Variants in DIS3 observed in about 807,000 individuals in gnomAD.
DIS3 encodes the protein DIS3 exosome endoribonuclease and 3'-5' exoribonuclease.
In DIS3, 103 loss-of-function variants were observed where a neutral mutation model predicts 113.0. The ratio of observed to expected loss-of-function variants is 0.91; its 90% confidence interval spans 0.78 to 1.07. DIS3 has a LOEUF of 1.07. Ranked by LOEUF, DIS3 falls within the 50% of genes least tolerant of loss-of-function variation. The probability of loss-of-function intolerance (pLI) is 0.00; values close to 1 mark genes in which losing one functional copy is unlikely to be tolerated. For missense variants in DIS3, 1,121 were observed against 1,167.1 expected, an observed-to-expected ratio of 0.96 and a Z score of 0.58; for synonymous variants, 402 against 394.3, an observed-to-expected ratio of 1.02 and a Z score of -0.23.
intron 2 of DIS3, among the ~76,000 whole-genome samples, chr13:72,779,596 T>C (rs1455879210): frequency 3.3e-5 from 5 of 152,188 alleles, no homozygotes; most frequent in Non-Finnish European, 5.9e-5. Flanking sequence ...CATTGAAGTT[T>C]GAGATATAAG....
chr13:72,760,720 A>C (rs1290010288), intron 19 of DIS3, 69 bp from the exon 20 acceptor site: 1 of 1,535,686 alleles, frequency 6.5e-7, no homozygotes, highest in Non-Finnish European at 8.8e-7. Flanking sequence ...AATCCTTTAC[A>C]ATTTATCTTA....
At chr13:72,772,066 G>A in intron 10 of DIS3, 93 bp downstream of exon 10, 10 of 1,263,206 alleles carry the variant, frequency 7.9e-6, no homozygotes, top group Non-Finnish European at 1.1e-5. Flanking sequence ...TACTTCACAA[G>A]AGTAATTAAC....
chr13:72,775,106 G>T, intron 6 of DIS3, 105 bp downstream of exon 6: 1 of 1,260,950 alleles, frequency 7.9e-7, no homozygotes, highest in African/African-American at 1.5e-5. Flanking sequence ...ACAGAACTAT[G>T]ATTTTATGCA....
chr13:72,781,276 C>T lies in DIS3; in HGVS notation c.229-273G>A, dbSNP rs774943176. 15 of 1,551,152 alleles carry T rather than the reference C, an allele frequency of 9.7e-6. No individual in the cohort carries two copies. The African/African-American group carries it at 1.4e-4, about 14-fold the overall frequency. On this transcript the variant is annotated intron_variant, in intron 1 of 20. Transcript: ENST00000377767. The stretch of plus-strand genomic sequence containing the variant: ...ACGTTGGCCCACATAGTTTTTTGTT[C>T]CTAGGCACTTACAAGCTGCCTGGGA...
chr13:72,757,334 C>G lies in DIS3; in HGVS notation c.*2461G>C, dbSNP rs1159521790. On this transcript the variant is annotated 3_prime_UTR_variant, in exon 21 of 21. Coordinates refer to ENST00000377767, the MANE Select transcript of DIS3 (RefSeq NM_014953.5). ...GCGCGATCTTGGCTCACTGCAACCT[C>G]TGCCTCCCAGGTTCAAGCGATTCTC... 6.6e-6 allele frequency: 1 copy of G among 151,820 alleles called. No homozygotes were observed. The highest frequency in any genetic ancestry group is 2.4e-5 in the African/African-American group (1 of 41,054). 9.4% of individuals were successfully genotyped at this position (151,820 alleles called of 1,614,324 possible). A position where few individuals can be genotyped will look rare whatever the true frequency, so the allele number is the denominator to read the frequency against.
At position 72,765,852 on chromosome 13, in the gene DIS3, T is replaced by G. The variant is rs992736122; in HGVS notation, c.1970+120A>C. The G allele has an allele frequency of 1.1e-5, 8 of 709,966 alleles. No homozygotes were observed. The African/African-American group carries it at 1.3e-4, about 11-fold the overall frequency. 44.0% of individuals were successfully genotyped at this position (709,966 alleles called of 1,614,324 possible). The stretch of plus-strand genomic sequence containing the variant: ...TCTGTCCTTTGCAAGCCAAATAAAG[T>G]AGAAATCATGACCCTAATCATTATT... On this transcript the variant is annotated intron_variant, in intron 15 of 20. Coordinates refer to ENST00000377767, the MANE Select transcript of DIS3 (RefSeq NM_014953.5).
chr13:72,755,923 G>A lies in DIS3; in HGVS notation c.*3872C>T. 2.5e-6 allele frequency: 1 copy of A among 398,642 alleles called. No homozygotes were observed. The highest frequency in any genetic ancestry group is 4.4e-6 in the Non-Finnish European group (1 of 226,082). The allele number at this position is 398,642 out of a possible 1,614,324, so 24.7% of individuals were successfully genotyped here. A position where few individuals can be genotyped will look rare whatever the true frequency, so the allele number is the denominator to read the frequency against. On this transcript the variant is annotated 3_prime_UTR_variant, in exon 21 of 21. Transcript: ENST00000377767. ...GACATCCTTTCCAGCTCAAACGTGG[G>A]TAGGGATGTGGGAGAATAAGAATGT...
chr13:72,777,596 C>T (rs2034047724), intron 3 of DIS3, 103 bp from the exon 4 acceptor site: 3 of 940,610 alleles, frequency 3.2e-6, no homozygotes, highest in Non-Finnish European at 5.0e-6. Context: ...TTCTTTCATT[C>T]ATTGAGACAC....
At chr13:72,768,280 A>G (rs1330384100) in intron 14 of DIS3, among the ~76,000 whole-genome samples, 1 of 152,140 alleles carries the variant, frequency 6.6e-6, no homozygotes, top group Non-Finnish European at 1.5e-5. Context: ...CTCAAACACA[A>G]TTTTTTAACA....
Position 72,753,363 on chromosome 13 carries a change from T to G in DIS3, c.*6432A>C. The G allele has an allele frequency of 5.6e-6, 1 of 178,808 alleles. No individual in the cohort carries two copies. The highest frequency in any genetic ancestry group is 1.5e-4 in the East Asian group (1 of 6,726). 11.1% of individuals were successfully genotyped at this position (178,808 alleles called of 1,614,324 possible). A position where few individuals can be genotyped will look rare whatever the true frequency, so the allele number is the denominator to read the frequency against. On this transcript the variant is annotated 3_prime_UTR_variant, in exon 21 of 21. Transcript: ENST00000377767. ...CAAGCCTGGAAAATGCGTTGGAAGG[T>G]GAAGTTAGTTGTAATACTCATTTTT... is the stretch of plus-strand genomic sequence containing the variant.
chr13:72,777,330 T>C lies in DIS3; in HGVS notation c.654+90A>G, dbSNP rs201027167. 136 of 1,274,522 alleles carry C rather than the reference T, an allele frequency of 1.1e-4. No homozygotes were observed. In the East Asian group the frequency reaches 3.3e-3, roughly 31 times the overall value. The allele number at this position is 1,274,522 out of a possible 1,614,324, so 79.0% of individuals were successfully genotyped here. A position where few individuals can be genotyped will look rare whatever the true frequency, so the allele number is the denominator to read the frequency against. ...CCAAATCCAGCTTACCCACCGACAT[T>C]CCAATTTTTAAATTTGGTAACTATA... is the stretch of plus-strand genomic sequence containing the variant. On this transcript the variant is annotated intron_variant, in intron 4 of 20. Coordinates refer to ENST00000377767, the MANE Select transcript of DIS3 (RefSeq NM_014953.5).
At chr13:72,763,251 G>C (rs1281185289) in intron 16 of DIS3, among the ~76,000 whole-genome samples, 200 bp downstream of exon 16, 3 of 152,028 alleles carry the variant, frequency 2.0e-5, no homozygotes, top group African/African-American at 7.2e-5. Context: ...GGTGCAGTGA[G>C]CCGAGATCGT....
rs752402185 is a variant in DIS3, at chr13:72,777,420, C to A, written c.654G>T (p.Gly218=). Reference sequence around the variant, plus strand: ...TTTCAAAAACAAAACAAAAACATACCCCTTCTTCAGACAAACAAGCAAGAC... The same window carrying A: ...TTTCAAAAACAAAACAAAAACATACACCTTCTTCAGACAAACAAGCAAGAC... The part of the protein sequence containing the change: ...IDRLACLSEE[G]NEIESGKIIF... The change falls in exon 4 of 21, where the codon GGG becomes GGT. Residue 218 remains glycine, a splice_region_variant and synonymous_variant. Transcript: ENST00000377767. 8.7e-6 allele frequency: 14 copies of A among 1,613,502 alleles called. No individual in the cohort carries two copies. The highest frequency in any genetic ancestry group is 1.6e-4 in the Middle Eastern group (1 of 6,082).
intron 13 of DIS3, 34 bp downstream of exon 13, chr13:72,770,870 T>C (rs1233617693): frequency 1.3e-6 from 2 of 1,488,116 alleles, no homozygotes; most frequent in East Asian, 4.7e-5. Flanking sequence ...ACCAAAAAGT[T>C]TAAAAATTAG....
At position 72,755,200 on chromosome 13, in the gene DIS3, A is replaced by G; in HGVS notation, c.*4595T>C. On this transcript the variant is annotated 3_prime_UTR_variant, in exon 21 of 21. Coordinates refer to ENST00000377767, the MANE Select transcript of DIS3 (RefSeq NM_014953.5). ...TGGATGAAAACAGCAAGCCCTTTTC[A>G]ATGCAGCAGTCCATAGAATGCCTCT... 2 of 1,613,394 alleles carry G rather than the reference A, an allele frequency of 1.2e-6. No individual in the cohort carries two copies. The highest frequency in any genetic ancestry group is 1.7e-6 in the Non-Finnish European group (2 of 1,179,488).
chr13:72,779,263 G>C (rs973846851), intron 2 of DIS3, among the ~76,000 whole-genome samples: 2 of 151,938 alleles, frequency 1.3e-5, no homozygotes, highest in African/African-American at 4.8e-5. Context: ...GGGACTAGAG[G>C]CATGTACCAC....
At position 72,761,529 on chromosome 13, in the gene DIS3, A is replaced by T; in HGVS notation, c.2512-8T>A. On this transcript the variant is annotated splice_region_variant and splice_polypyrimidine_tract_variant and intron_variant, in intron 18 of 20. Coordinates refer to ENST00000377767, the MANE Select transcript of DIS3 (RefSeq NM_014953.5). ...TTTGCTTTTGAAGAATAACTGTAAAATAACATACAACTTATTTAAATTGTC... is the reference window on the plus strand; with the variant it reads ...TTTGCTTTTGAAGAATAACTGTAAATTAACATACAACTTATTTAAATTGTC... 6.4e-7 allele frequency: 1 copy of T among 1,562,878 alleles called. No individual in the cohort carries two copies. The highest frequency in any genetic ancestry group is 8.6e-7 in the Non-Finnish European group (1 of 1,160,464).
rs958093099 is a variant in DIS3, at chr13:72,773,659, C to G, written c.1239+25G>C. ...ACAAAATTTTAATTAAACATCCCCA[C>G]ATAAAATTAATACTTTAAGCTTACA... On this transcript the variant is annotated intron_variant, in intron 8 of 20. Transcript: ENST00000377767. 4.4e-6 allele frequency: 7 copies of G among 1,590,390 alleles called. No individual in the cohort carries two copies. The African/African-American group carries it at 9.5e-5, about 22-fold the overall frequency.
rs776543561 is a variant in DIS3 at position 72,773,945 on chromosome 13, C to T, written c.1101+1G>A. On this transcript the variant is annotated splice_donor_variant, in intron 7 of 20. Coordinates refer to ENST00000377767, the MANE Select transcript of DIS3 (RefSeq NM_014953.5). LOFTEE classifies it high-confidence loss of function. ...TTACATAGTAAATGCTCTTTACTCACCTCCTTAATGTCAGACTTGGAAAGC... is the reference window on the plus strand; with the variant it reads ...TTACATAGTAAATGCTCTTTACTCATCTCCTTAATGTCAGACTTGGAAAGC... 4 of 1,602,290 alleles carry T rather than the reference C, an allele frequency of 2.5e-6. No homozygotes were observed. Among genetic ancestry groups the T allele is most frequent in the Admixed American group, 1.7e-5 (1 of 57,924 alleles).
Sources: allele counts gnomAD v4.1 joint callset (sites outside exome capture counted in the v4.1 genomes callset), GRCh38; gene constraint gnomAD v4.1.1; transcripts MANE v1.5; gene names NCBI Gene and HGNC (gene_info 2026-07-23, HGNC 2026-07-21).